The following CNTNAP3B variants were observed in gnomAD, a reference collection of about 807,000 sequenced individuals.
CNTNAP3B encodes the protein contactin-associated protein-like 3B.
In CNTNAP3B, 25 loss-of-function variants were observed where a neutral mutation model predicts 108.9. The ratio of observed to expected loss-of-function variants is 0.23; its 90% CI spans 0.17 to 0.32. The LOEUF (loss-of-function observed/expected upper bound fraction) is 0.32, where lower values mean the gene tolerates loss of function less well. CNTNAP3B is among the 10% of genes least tolerant of loss of function. The pLI is 1.00. For missense variants in CNTNAP3B, 252 were observed against 1,210.4 expected (o/e 0.21, Z 11.75); for synonymous variants, 103 against 473.4 (o/e 0.22, Z 10.16).
chr9:41,961,984 A>G (rs1825109327), intron 11 of CNTNAP3B, among the ~76,000 whole-genome samples: 2 of 152,302 alleles, frequency 1.3e-5, no homozygotes, highest in Non-Finnish European at 2.9e-5. Context: ...AATTAATAAC[A>G]ATACTTAAAT....
At chr9:42,030,819 A>C (rs1217261982) in intron 3 of CNTNAP3B, among the ~76,000 whole-genome samples, 12 of 115,722 alleles carry the variant, frequency 1.0e-4, no homozygotes, top group East Asian at 2.8e-4. Flanking sequence ...GAGAGGAGAG[A>C]GAGAGAGAGA....
intron 18 of CNTNAP3B, among the ~76,000 whole-genome samples, chr9:41,916,525 A>T (rs540025671): frequency 6.6e-6 from 1 of 152,242 alleles, no homozygotes; most frequent in East Asian, 1.9e-4. Context: ...ATAGCAGTGA[A>T]TTCTCTGCTT....
rs1479521374 is a variant in CNTNAP3B at position 42,078,312 on chromosome 9, A to G, written c.197-1250T>C. Among the ~76,000 whole-genome samples, 24 of 117,718 alleles carry G rather than the reference A, an allele frequency of 2.0e-4. 4 individuals are homozygous for G. The highest frequency in any genetic ancestry group is 7.8e-4 in the African/African-American group (23 of 29,612). The allele number at this position is 117,718 out of a possible 152,430, so 77.2% of individuals were successfully genotyped here. On this transcript the variant is annotated intron_variant, in intron 2 of 23. Transcript: ENST00000377561. ...TATTAGGCACCTATTTGAATTGATGACCACACTTAACTACTGTTTCCTTAT... is the reference window on the plus strand; with the variant it reads ...TATTAGGCACCTATTTGAATTGATGGCCACACTTAACTACTGTTTCCTTAT...
intron 17 of CNTNAP3B, among the ~76,000 whole-genome samples, chr9:41,921,731 G>A (rs1252020646): frequency 2.0e-5 from 3 of 152,162 alleles, no homozygotes; most frequent in Non-Finnish European, 4.4e-5. Context: ...AATAAATGGA[G>A]TGCAAGAACA....
At chr9:41,970,790 A>C (rs1825413120) in intron 9 of CNTNAP3B, among the ~76,000 whole-genome samples, 1 of 135,196 alleles carries the variant, frequency 7.4e-6, no homozygotes, top group African/African-American at 3.0e-5. Flanking sequence ...GTATTTTTTT[A>C]TACTGACTGG....
chr9:42,121,872 C>G (rs1288200821), intron 1 of CNTNAP3B, among the ~76,000 whole-genome samples: 1 of 140,192 alleles, frequency 7.1e-6, no homozygotes, highest in East Asian at 2.1e-4. Context: ...AATGAGTCTG[C>G]CAGTTTGTTT....
rs796074471 is a variant in CNTNAP3B, at chr9:41,959,677, G to A, written c.1876+1096C>T. 7.2e-5 allele frequency among the ~76,000 whole-genome samples: 11 copies of A among 152,412 alleles called. No homozygotes were observed. The South Asian group carries it at 2.3e-3, about 32-fold the overall frequency. Reference sequence around the variant, plus strand: ...TCTTCAGCACATTGCTGTGCAGGTGGCTCTGAATCTTCTGAACATCCCCTG... The same window carrying A: ...TCTTCAGCACATTGCTGTGCAGGTGACTCTGAATCTTCTGAACATCCCCTG... On this transcript the variant is annotated intron_variant, in intron 12 of 23. Transcript: ENST00000377561.
chr9:42,124,757 C>T lies in CNTNAP3B; in HGVS notation c.85+4253G>A, dbSNP rs868187804. ...TACAGATGTCCTAGGCAATAAACTT[C>T]CCAAAAAGAATGGAGAACAATCCCA... On this transcript the variant is annotated intron_variant, in intron 1 of 23. Transcript: ENST00000377561. 1.5e-3 allele frequency among the ~76,000 whole-genome samples: 195 copies of T among 126,062 alleles called. 27 individuals are homozygous for T. The highest frequency in any genetic ancestry group is 6.1e-3 in the African/African-American group (188 of 30,700). The allele number at this position is 126,062 out of a possible 152,430, so 82.7% of individuals were successfully genotyped here. A position where few individuals can be genotyped will look rare whatever the true frequency, so the allele number is the denominator to read the frequency against.
rs1262339169 is a variant in CNTNAP3B, at chr9:41,943,955, CACCTT to C, written c.2081-5560_2081-5556del. Among the ~76,000 whole-genome samples the C allele has an allele frequency of 2.6e-3, 399 of 152,146 alleles. 1 individual carries two copies. Among genetic ancestry groups the C allele is most frequent in the African/African-American group, 8.5e-3 (354 of 41,418 alleles). On this transcript the variant is annotated intron_variant, in intron 13 of 23. Coordinates refer to ENST00000377561, the MANE Select transcript of CNTNAP3B (RefSeq NM_001201380.3). ...CGAAATAAACCAGAGTAAAATAAAACACCTTACCTACATAGGAGCAAGAATGAGAA... is the reference window on the plus strand; with the variant it reads ...CGAAATAAACCAGAGTAAAATAAAACACCTACATAGGAGCAAGAATGAGAA...
At chr9:41,973,708 A>T (rs1825472882) in intron 9 of CNTNAP3B, among the ~76,000 whole-genome samples, 1 of 140,046 alleles carries the variant, frequency 7.1e-6, no homozygotes, top group Admixed American at 7.1e-5. Flanking sequence ...TGCAGGCTAT[A>T]TGCACAACCT....
At chr9:41,926,310 TC>T (rs1272163402) in intron 15 of CNTNAP3B, among the ~76,000 whole-genome samples, 1 of 152,090 alleles carries the variant, frequency 6.6e-6, no homozygotes, top group Non-Finnish European at 1.5e-5. Flanking sequence ...GATCCCCTAG[TC>T]CCAGCTGCCC....
chr9:41,935,650 C>T (rs1824134899), intron 14 of CNTNAP3B, among the ~76,000 whole-genome samples: 2 of 152,250 alleles, frequency 1.3e-5, no homozygotes, highest in African/African-American at 2.4e-5. Context: ...AAACAATCTA[C>T]AAGAGTTGGG....
At chr9:42,012,622 C>T (rs1826150307) in intron 4 of CNTNAP3B, among the ~76,000 whole-genome samples, 1 of 132,054 alleles carries the variant, frequency 7.6e-6, no homozygotes, top group African/African-American at 3.1e-5. Flanking sequence ...ACATTTCCAT[C>T]CAGACTGCTC....
intron 14 of CNTNAP3B, among the ~76,000 whole-genome samples, chr9:41,935,854 C>G (rs1284352681): frequency 6.6e-6 from 1 of 152,294 alleles, no homozygotes; most frequent in Non-Finnish European, 1.5e-5. Flanking sequence ...TTCTGTCACA[C>G]CAGTGCAGTC....
intron 11 of CNTNAP3B, among the ~76,000 whole-genome samples, chr9:41,961,544 T>C (rs1429588381): frequency 6.6e-6 from 1 of 152,310 alleles, no homozygotes; most frequent in Admixed American, 6.5e-5. Flanking sequence ...TCTGGTATTT[T>C]CCCATAAGCA....
rs1043015017 is a variant in CNTNAP3B at position 42,117,948 on chromosome 9, C to T, written c.85+11062G>A. ...TAGAAGAAATGGATAAATTCCTCGA[C>T]ACATACATCCTCCCAAGACTAAACC... is the stretch of plus-strand genomic sequence containing the variant. On this transcript the variant is annotated intron_variant, in intron 1 of 23. Coordinates refer to ENST00000377561, the MANE Select transcript of CNTNAP3B (RefSeq NM_001201380.3). Among the ~76,000 whole-genome samples, 39 of 138,168 alleles carry T rather than the reference C, an allele frequency of 2.8e-4. 4 individuals carry two copies. Among genetic ancestry groups the T allele is most frequent in the Admixed American group, 2.8e-3 (39 of 13,860 alleles). The allele number at this position is 138,168 out of a possible 152,430, so 90.6% of individuals were successfully genotyped here. A position where few individuals can be genotyped will look rare whatever the true frequency, so the allele number is the denominator to read the frequency against.
chr9:42,070,582 A>G (rs1437974917), intron 3 of CNTNAP3B, among the ~76,000 whole-genome samples: 1 of 147,316 alleles, frequency 6.8e-6, no homozygotes, highest in African/African-American at 2.6e-5. Flanking sequence ...CTGTCAACCA[A>G]CTGTGTGTCT....
At chr9:42,054,567 CAGTT>C (rs1178687701) in intron 3 of CNTNAP3B, among the ~76,000 whole-genome samples, 6 of 151,710 alleles carry the variant, frequency 4.0e-5, no homozygotes, top group African/African-American at 9.7e-5. Flanking sequence ...AAACAGCACT[CAGTT>C]AGTTACTCTT....
intron 2 of CNTNAP3B, among the ~76,000 whole-genome samples, chr9:42,080,413 G>A (rs117224854): frequency 0.015 from 2,051 of 139,940 alleles, 310 homozygotes; most frequent in Non-Finnish European, 0.018. Flanking sequence ...AATCCCAGAT[G>A]CATTTTAAGG....
Sources: allele counts gnomAD v4.1 joint callset (sites outside exome capture counted in the v4.1 genomes callset), GRCh38; gene constraint gnomAD v4.1.1; transcripts MANE v1.5; gene names NCBI Gene and HGNC (gene_info 2026-07-23, HGNC 2026-07-21).